PPP2R2C: variants seen among roughly 807,000 people sequenced by gnomAD.
PPP2R2C encodes the protein protein phosphatase 2, regulatory subunit B, gamma.
In PPP2R2C, 10 loss-of-function variants were observed where a neutral mutation model predicts 45.3. The ratio of observed to expected loss-of-function variants is 0.22; its 90% CI spans 0.14 to 0.37. The LOEUF (loss-of-function observed/expected upper bound fraction) is 0.37, where lower values mean the gene tolerates loss of function less well. Among genes scored for constraint, PPP2R2C ranks in the 10% least tolerant of loss-of-function variants. The pLI, the probability that PPP2R2C is intolerant of heterozygous loss-of-function variation, is 1.00. For missense variants in PPP2R2C, 308 were observed against 619.7 expected, an observed-to-expected ratio of 0.50 and a Z score of 5.34; for synonymous variants, 257 against 245.4, an observed-to-expected ratio of 1.05 and a Z score of -0.44.
chr4:6,460,795 T>C (rs1299668020), intron 1 of PPP2R2C, among the ~76,000 whole-genome samples: 1 of 152,174 alleles, frequency 6.6e-6, no homozygotes, highest in African/African-American at 2.4e-5. Flanking sequence ...AGACAGCCAA[T>C]AGAAATCAAA....
intron 6 of PPP2R2C, among the ~76,000 whole-genome samples, chr4:6,334,094 T>C (rs1204046095): frequency 6.6e-6 from 1 of 152,154 alleles, no homozygotes; most frequent in Non-Finnish European, 1.5e-5. Flanking sequence ...ATTGCAAAGG[T>C]GTCCTGACAT....
intron 1 of PPP2R2C, among the ~76,000 whole-genome samples, chr4:6,464,942 G>A (rs1387414508): frequency 1.6e-4 from 22 of 140,034 alleles, no homozygotes; most frequent in African/African-American, 4.4e-4. Flanking sequence ...GGAAGGGAGG[G>A]AACTAAATAT....
chr4:6,362,618 G>A (rs1008622826), intron 5 of PPP2R2C, among the ~76,000 whole-genome samples: 7 of 152,206 alleles, frequency 4.6e-5, no homozygotes, highest in Non-Finnish European at 1.0e-4. Flanking sequence ...GGCTCAGAGG[G>A]GCCTTGGGCA....
chr4:6,514,096 A>C (rs1490589293), intron 2 of PPP2R2C, among the ~76,000 whole-genome samples: 1 of 152,230 alleles, frequency 6.6e-6, no homozygotes, highest in Non-Finnish European at 1.5e-5. Context: ...TAAGGAAAAA[A>C]TAATTTACCG....
chr4:6,511,185 T>C (rs1238737050), intron 2 of PPP2R2C, among the ~76,000 whole-genome samples: 3 of 152,128 alleles, frequency 2.0e-5, no homozygotes, highest in African/African-American at 7.2e-5. Context: ...ACACGCAAAA[T>C]GCTTAGAACG....
chr4:6,383,168 G>C (rs1560502241), intron 1 of PPP2R2C: 1 of 1,172,408 alleles, frequency 8.5e-7, no homozygotes, highest in Non-Finnish European at 1.1e-6. Context: ...GGCGGTACCA[G>C]GAGCAGGACC....
At chr4:6,543,171 C>T (rs181828509) in intron 1 of PPP2R2C, among the ~76,000 whole-genome samples, 12 of 152,306 alleles carry the variant, frequency 7.9e-5, no homozygotes, top group East Asian at 3.9e-4. Context: ...CAAGGCAGGA[C>T]GGCGTGGATG....
chr4:6,383,865 C>T, intron 1 of PPP2R2C: 2 of 994,238 alleles, frequency 2.0e-6, no homozygotes, highest in Non-Finnish European at 2.4e-6. Context: ...CCAGTCTGGG[C>T]CTTTTAGGAC....
chr4:6,472,420 A>C lies in PPP2R2C; in HGVS notation c.-191T>G. ...CGGGGGCGGGCGCCGCGGTCAAGCG[A>C]GCGCGCGGTGGGCGGGCGGCGGCCG... On this transcript the variant is annotated 5_prime_UTR_variant, in exon 1 of 9. Coordinates refer to ENST00000382599, the MANE Select transcript of PPP2R2C (RefSeq NM_020416.4). 1 of 650,770 alleles carries C rather than the reference A, an allele frequency of 1.5e-6. No homozygotes were observed. The highest frequency in any genetic ancestry group is 1.9e-6 in the Non-Finnish European group (1 of 528,446). The allele number at this position is 650,770 out of a possible 1,614,324, so 40.3% of individuals were successfully genotyped here.
At chr4:6,478,349 C>T (rs1560576569) in intron 2 of PPP2R2C, among the ~76,000 whole-genome samples, 6 of 152,232 alleles carry the variant, frequency 3.9e-5, no homozygotes, top group Admixed American at 3.3e-4. Flanking sequence ...AGTCATGAGA[C>T]TTGCTTTGCA....
At chr4:6,512,197 GTGA>G (rs1723613338) in intron 2 of PPP2R2C, among the ~76,000 whole-genome samples, 4 of 75,846 alleles carry the variant, frequency 5.3e-5, no homozygotes, top group Non-Finnish European at 1.1e-4. Context: ...GGTGGTGGTG[GTGA>G]TGGTGGTGGT....
In PPP2R2C at chr4:6,465,654, TAA is replaced by T. The variant is rs11430416; in HGVS notation, c.70+6504_70+6505del. Reference sequence around the variant, plus strand: ...TTGCTATTTAATGTCAATTCAAATTTAAAAAAAAAAAAGCTTAAACTCTTAGC... The same window carrying T: ...TTGCTATTTAATGTCAATTCAAATTTAAAAAAAAAAGCTTAAACTCTTAGC... On this transcript the variant is annotated intron_variant, in intron 1 of 8. Coordinates refer to ENST00000382599, the MANE Select transcript of PPP2R2C (RefSeq NM_020416.4). Among the ~76,000 whole-genome samples, 317 of 147,750 alleles carry T rather than the reference TAA, an allele frequency of 2.1e-3. No homozygotes were observed. In the Middle Eastern group the frequency reaches 0.028, roughly 13 times the overall value.
At position 6,321,423 on chromosome 4, in the gene PPP2R2C, T is replaced by C. The variant is rs1731545120; in HGVS notation, c.*1879A>G. On this transcript the variant is annotated 3_prime_UTR_variant, in exon 9 of 9. Transcript: ENST00000382599. ...AATTTAATTAGAATAGATATGTACA[T>C]ATAATACTGTCCAGGTCAACTGGAT... 1 of 152,594 alleles carries C rather than the reference T, an allele frequency of 6.6e-6. No individual in the cohort carries two copies. Among genetic ancestry groups the C allele is most frequent in the Non-Finnish European group, 1.5e-5 (1 of 68,042 alleles). 9.5% of individuals were successfully genotyped at this position (152,594 alleles called of 1,614,324 possible).
chr4:6,470,917 C>G (rs1721837484), intron 1 of PPP2R2C, among the ~76,000 whole-genome samples: 1 of 151,830 alleles, frequency 6.6e-6, no homozygotes, highest in Non-Finnish European at 1.5e-5. Context: ...AGGTCCCACG[C>G]CCAGCCTCTG....
At chr4:6,530,497 A>G (rs1249149772) in intron 2 of PPP2R2C, among the ~76,000 whole-genome samples, 2 of 152,056 alleles carry the variant, frequency 1.3e-5, no homozygotes, top group Non-Finnish European at 1.5e-5. Flanking sequence ...TGCAAGTCCT[A>G]CAATCCCCTT....
At chr4:6,347,048 G>A (rs1053847002) in intron 6 of PPP2R2C, among the ~76,000 whole-genome samples, 8 of 152,204 alleles carry the variant, frequency 5.3e-5, no homozygotes, top group Non-Finnish European at 1.0e-4. Context: ...GCCTTCAGGG[G>A]CCTCTGGGAT....
intron 1 of PPP2R2C, among the ~76,000 whole-genome samples, chr4:6,411,008 C>T (rs1718153769): frequency 1.3e-5 from 2 of 152,018 alleles, no homozygotes; most frequent in African/African-American, 4.8e-5. Context: ...GTAGCTGGGA[C>T]TACAGGCGCA....
At chr4:6,550,345 AC>A (rs1434686327) in intron 1 of PPP2R2C, among the ~76,000 whole-genome samples, 2 of 151,238 alleles carry the variant, frequency 1.3e-5, no homozygotes, top group African/African-American at 4.9e-5. Context: ...AGCACATGAG[AC>A]CCTTGCCAAG....
intron 2 of PPP2R2C, among the ~76,000 whole-genome samples, chr4:6,496,990 C>T (rs181775748): frequency 4.6e-5 from 7 of 152,162 alleles, no homozygotes; most frequent in East Asian, 1.9e-4. Context: ...GGTATAAGAG[C>T]GTGATCCATA....
Sources: allele counts gnomAD v4.1 joint callset (sites outside exome capture counted in the v4.1 genomes callset), GRCh38; gene constraint gnomAD v4.1.1; transcripts MANE v1.5; gene names NCBI Gene and HGNC (gene_info 2026-07-23, HGNC 2026-07-21).